Variants in STARD9 observed in about 807,000 individuals in gnomAD.
STARD9 encodes the protein stAR-related lipid transfer protein 9.
STARD9 carries 346 observed loss-of-function variants against 399.8 expected under a neutral mutation model. The ratio of observed to expected loss-of-function variants is 0.87; its 90% CI spans 0.79 to 0.95. STARD9 has a LOEUF of 0.95. Among genes scored for constraint, STARD9 ranks in the 40% least tolerant of loss-of-function variants. STARD9 has a pLI of 0.00. For synonymous variants in STARD9, 2,203 were observed against 2,143.5 expected (o/e 1.03, Z -0.77); for missense variants, 5,832 against 5,667.5 (o/e 1.03, Z -0.93).
rs942919463 is a variant in STARD9 at position 42,691,018 on chromosome 15, G to A, written c.9440G>A (p.Ser3147Asn). Residue 3147 changes from serine (S) to asparagine (N), a missense_variant, in exon 23 of 33, where the codon AGT becomes AAT. Ser to Asn is a conservative substitution (Grantham distance 46, BLOSUM62 1). Around this residue, in one of 2 missense-constraint regions of STARD9, gnomAD observed 5,828 missense variants for 5,651.1 expected, o/e 1.03. Transcript: ENST00000290607. Reference protein sequence around the residue: ...TTQGPHTLDLSEGSAESKLVV... With the variant: ...TTQGPHTLDLNEGSAESKLVV... ...CAGGGACCACACACCCTGGATTTAA[G>A]TGAAGGGTCTGCTGAGAGCAAGTTG... is the stretch of plus-strand genomic sequence containing the variant. 7 of 1,537,238 alleles carry A rather than the reference G, an allele frequency of 4.6e-6. No homozygotes were observed. The highest frequency in any genetic ancestry group is 6.1e-6 in the Non-Finnish European group (7 of 1,146,914).
At chr15:42,581,516 T>C in intron 1 of STARD9, 1 of 1,433,450 alleles carries the variant, frequency 7.0e-7, no homozygotes, top group Non-Finnish European at 9.6e-7. Flanking sequence ...CTGGGCTTTG[T>C]GTGGCGGGTA....
intron 3 of STARD9, among the ~76,000 whole-genome samples, chr15:42,619,071 T>A (rs1051042301): frequency 3.3e-5 from 5 of 152,206 alleles, no homozygotes; most frequent in Admixed American, 2.6e-4. Flanking sequence ...TTTTTCACTC[T>A]TCCTAATTTT....
Position 42,685,232 on chromosome 15 carries a change from G to A in STARD9, c.3654G>A (p.Gln1218=). The A allele has an allele frequency of 6.5e-7, 1 of 1,537,340 alleles. No individual in the cohort carries two copies. The highest frequency in any genetic ancestry group is 8.7e-7 in the Non-Finnish European group (1 of 1,146,948). The change falls in exon 23 of 33, where the codon CAG becomes CAA. Residue 1218 remains glutamine, a synonymous_variant. Coordinates refer to ENST00000290607, the MANE Select transcript of STARD9 (RefSeq NM_020759.3). ...IDAEEELGED[Q]QEEPFPGSAD... Reference sequence around the variant, plus strand: ...CAGAGGAAGAACTGGGGGAAGATCAGCAAGAAGAACCTTTCCCTGGTTCAG... The same window carrying A: ...CAGAGGAAGAACTGGGGGAAGATCAACAAGAAGAACCTTTCCCTGGTTCAG...
rs540464741 is a variant in STARD9 at position 42,708,422 on chromosome 15, G to C, written c.13285-8255G>C. On this transcript the variant is annotated intron_variant, in intron 26 of 32. Coordinates refer to ENST00000290607, the MANE Select transcript of STARD9 (RefSeq NM_020759.3). ...GTTGTGTTCCCACTACAGTGGCAGA[G>C]AGTTGAGTAGCTGCAGCTACTCAAA... is the stretch of plus-strand genomic sequence containing the variant. Among the ~76,000 whole-genome samples the C allele has an allele frequency of 1.1e-4, 17 of 152,316 alleles. 1 individual carries two copies. The highest frequency in any genetic ancestry group is 4.1e-4 in the African/African-American group (17 of 41,574).
Position 42,638,815 on chromosome 15 carries a change from G to A in STARD9, c.559+3G>A. The A allele has an allele frequency of 6.6e-7, 1 of 1,508,036 alleles. No individual in the cohort carries two copies. The highest frequency in any genetic ancestry group is 1.4e-5 in the African/African-American group (1 of 72,242). 93.4% of individuals were successfully genotyped at this position (1,508,036 alleles called of 1,614,324 possible). ...AGAGATGGGGCCCTATGTACAAGGTGAGCTACTGTGGTCCTGGAGATCTGA... is the reference window on the plus strand; with the variant it reads ...AGAGATGGGGCCCTATGTACAAGGTAAGCTACTGTGGTCCTGGAGATCTGA... On this transcript the variant is annotated splice_donor_region_variant and intron_variant, in intron 7 of 32. Transcript: ENST00000290607.
intron 4 of STARD9, 105 bp from the exon 5 acceptor site, chr15:42,637,802 A>G (rs2059446820): frequency 8.6e-7 from 1 of 1,162,310 alleles, no homozygotes. Flanking sequence ...TAGCACAAGG[A>G]GTCCATGCAC....
At chr15:42,660,195 A>G (rs2059966805) in intron 9 of STARD9, among the ~76,000 whole-genome samples, 1 of 152,210 alleles carries the variant, frequency 6.6e-6, no homozygotes, top group Non-Finnish European at 1.5e-5. Context: ...ATGGGAACAG[A>G]ATGACTGCAA....
At chr15:42,590,003 C>T (rs1183485286) in intron 3 of STARD9, among the ~76,000 whole-genome samples, 1 of 137,912 alleles carries the variant, frequency 7.3e-6, no homozygotes, top group Non-Finnish European at 1.5e-5. Context: ...CTCTGTCACT[C>T]AGGCTGGAGT....
At chr15:42,585,049 C>T (rs1191565085) in intron 2 of STARD9, among the ~76,000 whole-genome samples, 1 of 152,110 alleles carries the variant, frequency 6.6e-6, no homozygotes. Context: ...TACCTTCAAG[C>T]TATGTTTATA....
intron 26 of STARD9, among the ~76,000 whole-genome samples, chr15:42,706,368 G>A (rs1423455199): frequency 6.6e-6 from 1 of 151,610 alleles, no homozygotes; most frequent in Admixed American, 6.6e-5. Context: ...AGATTTCTGT[G>A]AATTAATTTT....
chr15:42,692,660 G>T lies in STARD9; in HGVS notation c.11082G>T (p.Leu3694=), dbSNP rs58237318. 31,854 of 1,537,142 alleles carry T rather than the reference G, an allele frequency of 0.021. 1,308 individuals carry two copies. Among genetic ancestry groups the T allele is most frequent in the African/African-American group, 0.17 (12,545 of 73,098 alleles). ...AGCTCCTGCACAGTACCTCAGAGCT[G>T]CTTGGGAGTCTCTCCCAGCCAGATG... ...LSQLLHSTSE[L]LGSLSQPDVA... Residue 3694 remains leucine, a synonymous_variant, in exon 23 of 33, where the codon CTG becomes CTT. Coordinates refer to ENST00000290607, the MANE Select transcript of STARD9 (RefSeq NM_020759.3).
At position 42,692,931 on chromosome 15, in the gene STARD9, A is replaced by G. The variant is rs183344754; in HGVS notation, c.11353A>G (p.Arg3785Gly). The change falls in exon 23 of 33, where the codon AGA becomes GGA. Residue 3785 changes from arginine (R) to glycine (G), a missense_variant. Physicochemically the swap from Arg to Gly is moderately radical, Grantham distance 125. Coordinates refer to ENST00000290607, the MANE Select transcript of STARD9 (RefSeq NM_020759.3). Reference sequence around the variant, plus strand: ...AGATGTGCCAGGGGTACCTCAGAAGAGAGAGGCAGAGGAAACAGCACAGAA... The same window carrying G: ...AGATGTGCCAGGGGTACCTCAGAAGGGAGAGGCAGAGGAAACAGCACAGAA... ...EGDVPGVPQKREAEETAQKMA... is the reference protein window; with the variant it reads ...EGDVPGVPQKGEAEETAQKMA... The G allele has an allele frequency of 7.2e-5, 111 of 1,537,242 alleles. No individual in the cohort carries two copies. The highest frequency in any genetic ancestry group is 1.7e-6 in the Non-Finnish European group (2 of 1,146,904).
intron 3 of STARD9, among the ~76,000 whole-genome samples, chr15:42,631,653 T>C (rs1018303370): frequency 6.6e-6 from 1 of 152,146 alleles, no homozygotes; most frequent in Non-Finnish European, 1.5e-5. Flanking sequence ...AGGAGCATGT[T>C]GTTTAATTTC....
intron 7 of STARD9, among the ~76,000 whole-genome samples, chr15:42,639,292 A>C (rs2059486209): frequency 6.6e-6 from 1 of 152,178 alleles, no homozygotes; most frequent in South Asian, 2.1e-4. Flanking sequence ...ATGGTGAATG[A>C]GAGGGAAAAC....
At chr15:42,588,689 G>T (rs2058330123) in intron 3 of STARD9, among the ~76,000 whole-genome samples, 1 of 151,138 alleles carries the variant, frequency 6.6e-6, no homozygotes, top group South Asian at 2.1e-4. Flanking sequence ...GGCCACCACG[G>T]ACGGGTAAGA....
chr15:42,690,344 G>A lies in STARD9; in HGVS notation c.8766G>A (p.Arg2922=). Residue 2922 remains arginine, a synonymous_variant, in exon 23 of 33, where the codon AGG becomes AGA. Transcript: ENST00000290607. ...IGEEAPCRHP[R]EALDGPVFSR... ...AGGAAGCCCCATGTAGACACCCAAG[G>A]GAAGCTTTAGATGGCCCTGTCTTCT... is the stretch of plus-strand genomic sequence containing the variant. 6.5e-7 allele frequency: 1 copy of A among 1,537,248 alleles called. No homozygotes were observed. Among genetic ancestry groups the A allele is most frequent in the Non-Finnish European group, 8.7e-7 (1 of 1,146,912 alleles).
At chr15:42,581,128 G>T (rs2058159537) in intron 1 of STARD9, 1 of 730,428 alleles carries the variant, frequency 1.4e-6, no homozygotes, top group Admixed American at 1.8e-5. Flanking sequence ...AGGAGAGTCA[G>T]ATGCCCATCT....
Position 42,685,230 on chromosome 15 carries a change from C to CAGCAAGA in STARD9, c.3655_3661dup (p.Glu1221AlafsTer10), listed in dbSNP as rs777977121. The CAGCAAGA allele has an allele frequency of 1.7e-5, 26 of 1,537,202 alleles. No individual in the cohort carries two copies. The highest frequency in any genetic ancestry group is 2.1e-5 in the Non-Finnish European group (24 of 1,146,946). On this transcript the variant is annotated frameshift_variant, in exon 23 of 33. Transcript: ENST00000290607. LOFTEE classifies it high-confidence loss of function. ...TGCAGAGGAAGAACTGGGGGAAGATCAGCAAGAAGAACCTTTCCCTGGTTC... is the reference window on the plus strand; with the variant it reads ...TGCAGAGGAAGAACTGGGGGAAGATCAGCAAGAAGCAAGAAGAACCTTTCCCTGGTTC...
intron 20 of STARD9, among the ~76,000 whole-genome samples, chr15:42,677,632 T>A (rs2060337402): frequency 6.6e-6 from 1 of 152,194 alleles, no homozygotes. Flanking sequence ...ATGGAAGAGA[T>A]GCATTGCAGC....
Sources: allele counts gnomAD v4.1 joint callset (sites outside exome capture counted in the v4.1 genomes callset), GRCh38; gene constraint gnomAD v4.1.1; regional missense constraint gnomAD v4.1.1; transcripts MANE v1.5; gene names NCBI Gene and HGNC (gene_info 2026-07-23, HGNC 2026-07-21).